The following APOB variants were observed in gnomAD, a reference collection of about 807,000 sequenced individuals.
The protein encoded by APOB is apolipoprotein B, also known as apolipoprotein B-100.
Under a neutral mutation model 314.1 loss-of-function variants are expected in APOB, and 153 were observed. That is an observed-to-expected ratio of 0.49 (90% CI 0.43 to 0.56). APOB has a LOEUF of 0.56. Ranked by LOEUF, APOB falls within the 20% of genes least tolerant of loss-of-function variation. The probability of loss-of-function intolerance (pLI) is 0.00; values close to 1 mark genes in which losing one functional copy is unlikely to be tolerated. For synonymous variants in APOB, 2,087 were observed against 2,036.4 expected (o/e 1.02, Z -0.67); for missense variants, 5,430 against 5,350.7 (o/e 1.01, Z -0.46).
intron 10 of APOB, 23 bp from the exon 11 acceptor site, chr2:21,030,038 C>G: frequency 6.7e-7 from 1 of 1,484,508 alleles, no homozygotes; most frequent in South Asian, 1.1e-5. Context: ...AGAAGAGAGT[C>G]AGGACTTGGT....
chr2:21,004,150 T>A, intron 28 of APOB, 119 bp downstream of exon 28: 2 of 1,046,902 alleles, frequency 1.9e-6, no homozygotes, highest in South Asian at 2.7e-5. Context: ...AAGAAGTTGC[T>A]TACCGCCTGT....
At chr2:21,024,089 G>T (rs142557833) in intron 16 of APOB, 2 of 159,008 alleles carry the variant, frequency 1.3e-5, no homozygotes, top group South Asian at 1.9e-4. Flanking sequence ...GAAACCAAAG[G>T]CCTATTGAGA....
chr2:21,003,418 A>T, intron 28 of APOB, 84 bp from the exon 29 acceptor site: 1 of 1,195,804 alleles, frequency 8.4e-7, no homozygotes, highest in East Asian at 2.3e-5. Context: ...ATTAGCAGTT[A>T]AAAATAAAGA....
rs555859340 is a variant in APOB at position 21,035,475 on chromosome 2, T to G, written c.818+109A>C. The G allele has an allele frequency of 8.2e-5, 118 of 1,441,910 alleles. 3 individuals carry two copies. In the South Asian group the frequency reaches 1.2e-3, roughly 15 times the overall value. 89.3% of individuals were successfully genotyped at this position (1,441,910 alleles called of 1,614,324 possible). Reference sequence around the variant, plus strand: ...AGGGAGGGGCGGCATTTTATCCCTCTCCATTCCTCCCTCCCAGGCACAGGT... The same window carrying G: ...AGGGAGGGGCGGCATTTTATCCCTCGCCATTCCTCCCTCCCAGGCACAGGT... On this transcript the variant is annotated intron_variant, in intron 7 of 28. Transcript: ENST00000233242.
intron 25 of APOB, 77 bp from the exon 26 acceptor site, chr2:21,012,728 A>C: frequency 6.6e-7 from 1 of 1,513,140 alleles, no homozygotes; most frequent in Non-Finnish European, 9.0e-7. Context: ...AAAGTCTTTC[A>C]ATAATAAAGC....
chr2:21,008,058 G>A lies in APOB; in HGVS notation c.8810C>T (p.Ser2937Leu). The change falls in exon 26 of 29, where the codon TCA becomes TTA. Residue 2937 changes from serine (S) to leucine (L), a missense_variant. Ser to Leu is a moderately radical substitution (Grantham distance 145). This residue lies in a region of APOB where 3,281 missense variants were observed against 3,171.0 expected (regional missense o/e 1.03). Transcript: ENST00000233242. The part of the protein sequence containing the change: ...GSWKWACPRF[S>L]DEGTHESQIS... ...TTGTGATTCATGTGTTCCCTCATCT[G>A]AGAATCTGGGGCAGGCCCATTTCCA... 6.2e-7 allele frequency: 1 copy of A among 1,614,108 alleles called. No homozygotes were observed. The highest frequency in any genetic ancestry group is 1.1e-5 in the South Asian group (1 of 91,074).
Position 21,028,499 on chromosome 2 carries a change from A to G in APOB, c.1657T>C (p.Ser553Pro). 1.9e-6 allele frequency: 3 copies of G among 1,613,736 alleles called. No homozygotes were observed. The highest frequency in any genetic ancestry group is 2.5e-6 in the Non-Finnish European group (3 of 1,180,000). ...GCAGCCAGTCGCTTATCTCCCGGAGAAGCATCATCAAGGAAAGTCTGAAGA... is the reference window on the plus strand; with the variant it reads ...GCAGCCAGTCGCTTATCTCCCGGAGGAGCATCATCAAGGAAAGTCTGAAGA... Reference protein sequence around the residue: ...VLLQTFLDDASPGDKRLAAYL... With the variant: ...VLLQTFLDDAPPGDKRLAAYL... Residue 553 changes from serine (S) to proline (P), a missense_variant, in exon 13 of 29, where the codon TCT becomes CCT. By Grantham distance (74) the Ser-to-Pro change is moderately conservative. Around this residue, in one of 3 missense-constraint regions of APOB, gnomAD observed 2,085 missense variants for 2,079.7 expected, o/e 1.00. Transcript: ENST00000233242.
chr2:21,027,973 T>C lies in APOB; in HGVS notation c.1922A>G (p.Lys641Arg), dbSNP rs773339611. Residue 641 changes from lysine (K) to arginine (R), a missense_variant, in exon 14 of 29, where the codon AAA (lysine) becomes AGA (arginine). Around this residue, in one of 3 missense-constraint regions of APOB, gnomAD observed 2,085 missense variants for 2,079.7 expected, o/e 1.00. Transcript: ENST00000233242. Reference protein sequence around the residue: ...RKFSRNYQLYKSVSLPSLDPA... With the variant: ...RKFSRNYQLYRSVSLPSLDPA... Reference sequence around the variant, plus strand: ...GTCAAGTGATGGAAGAGAAACAGATTTGTAGAGTTGATAGTTCCGAGAGAA... The same window carrying C: ...GTCAAGTGATGGAAGAGAAACAGATCTGTAGAGTTGATAGTTCCGAGAGAA... 3.9e-5 allele frequency: 63 copies of C among 1,613,952 alleles called. No individual in the cohort carries two copies. Among genetic ancestry groups the C allele is most frequent in the Middle Eastern group, 1.6e-4 (1 of 6,082 alleles).
intron 6 of APOB, among the ~76,000 whole-genome samples, chr2:21,036,829 G>T (rs1664013824): frequency 6.6e-6 from 1 of 152,166 alleles, no homozygotes; most frequent in East Asian, 1.9e-4. Context: ...TGAGATTAGA[G>T]GCAGTTTGGT....
At position 21,010,662 on chromosome 2, in the gene APOB, A is replaced by G; in HGVS notation, c.6206T>C (p.Ile2069Thr). The G allele has an allele frequency of 2.5e-6, 4 of 1,614,112 alleles. No individual in the cohort carries two copies. Among genetic ancestry groups the G allele is most frequent in the Non-Finnish European group, 3.4e-6 (4 of 1,180,000 alleles). ...CAAGGTCTCAAAAAATGGGAGGTTAATGGAGTGAACATCTTGGTTTTTATC... is the reference window on the plus strand; with the variant it reads ...CAAGGTCTCAAAAAATGGGAGGTTAGTGGAGTGAACATCTTGGTTTTTATC... Reference protein sequence around the residue: ...KYDKNQDVHSINLPFFETLQE... With the variant: ...KYDKNQDVHSTNLPFFETLQE... Residue 2069 changes from isoleucine (I) to threonine (T), a missense_variant, in exon 26 of 29, where the codon ATT becomes ACT. This residue lies in a region of APOB where 3,281 missense variants were observed against 3,171.0 expected (regional missense o/e 1.03). Coordinates refer to ENST00000233242, the MANE Select transcript of APOB (RefSeq NM_000384.3).
At position 21,006,740 on chromosome 2, in the gene APOB, T is replaced by C. The variant is rs886055579; in HGVS notation, c.10128A>G (p.Ala3376=). ...LLSSSSSVID[A]LQYKLEGTTR... The stretch of plus-strand genomic sequence containing the variant: ...TGGTGCCCTCTAATTTGTACTGCAG[T>C]GCATCAATGACAGATGAAGATGAAG... Residue 3376 remains alanine, a synonymous_variant, in exon 26 of 29, where the codon GCA becomes GCG. Coordinates refer to ENST00000233242, the MANE Select transcript of APOB (RefSeq NM_000384.3). 3.1e-6 allele frequency: 5 copies of C among 1,613,902 alleles called. No individual in the cohort carries two copies. In the African/African-American group the frequency reaches 6.7e-5, roughly 22 times the overall value.
At position 21,035,768 on chromosome 2, in the gene APOB, T is replaced by C. The variant is rs2103382812; in HGVS notation, c.694-60A>G. 3.2e-6 allele frequency: 5 copies of C among 1,578,394 alleles called. No individual in the cohort carries two copies. In the South Asian group the frequency reaches 5.6e-5, roughly 18 times the overall value. ...GTCCCTGTATCTTCTGTTAAAAGCATTTACCTTCAAGGTAGAAGGGAGCAG... is the reference window on the plus strand; with the variant it reads ...GTCCCTGTATCTTCTGTTAAAAGCACTTACCTTCAAGGTAGAAGGGAGCAG... On this transcript the variant is annotated intron_variant, in intron 6 of 28. Transcript: ENST00000233242.
rs768174760 is a variant in APOB, at chr2:21,012,198, T to C, written c.4670A>G (p.Asn1557Ser). The change falls in exon 26 of 29, where the codon AAT becomes AGT. Residue 1557 changes from asparagine (N) to serine (S), a missense_variant. By Grantham distance (46) the Asn-to-Ser change is conservative. This residue lies in a region of APOB where 2,085 missense variants were observed against 2,079.7 expected (regional missense o/e 1.00). Transcript: ENST00000233242. ...TSDLQSGIIK[N>S]TASLKYENYE... ...GTTCTCATACTTTAGGGAAGCAGTA[T>C]TTTTAATGATGCCACTTTGCAGATC... 6.2e-7 allele frequency: 1 copy of C among 1,603,094 alleles called. No homozygotes were observed. The highest frequency in any genetic ancestry group is 8.5e-7 in the Non-Finnish European group (1 of 1,173,614).
chr2:21,020,873 G>T (rs970599826), intron 18 of APOB, among the ~76,000 whole-genome samples: 2 of 152,148 alleles, frequency 1.3e-5, no homozygotes, highest in African/African-American at 4.8e-5. Flanking sequence ...TATGGCTTTG[G>T]TTCTCCTTCT....
rs141114848 is a variant in APOB, at chr2:21,004,380, T to C, written c.11976A>G (p.Lys3992=). 1 of 1,613,906 alleles carries C rather than the reference T, an allele frequency of 6.2e-7. No individual in the cohort carries two copies. Among genetic ancestry groups the C allele is most frequent in the Non-Finnish European group, 8.5e-7 (1 of 1,179,950 alleles). The part of the protein sequence containing the change: ...AFTDLHLRYQ[K]DKKGISTSAA... ...CTGAGGTGGAGATGCCTTTCTTGTCTTTCTGGTAGCGCAGATGGAGATCGG... is the reference window on the plus strand; with the variant it reads ...CTGAGGTGGAGATGCCTTTCTTGTCCTTCTGGTAGCGCAGATGGAGATCGG... Residue 3992 remains lysine (K), a synonymous_variant, in exon 28 of 29, where the codon AAA becomes AAG. Coordinates refer to ENST00000233242, the MANE Select transcript of APOB (RefSeq NM_000384.3).
rs191145848 is a variant in APOB at position 21,012,073 on chromosome 2, G to A, written c.4795C>T (p.Arg1599Cys). Residue 1599 changes from arginine to cysteine, a missense_variant, in exon 26 of 29, where the codon CGT (arginine) becomes TGT (cysteine). By Grantham distance (180) the Arg-to-Cys change is radical. Coordinates refer to ENST00000233242, the MANE Select transcript of APOB (RefSeq NM_000384.3). ...MTFSKQNALL[R>C]SEYQADYESL... ...TCGTAATCAGCCTGATATTCAGAAC[G>A]CAGCAGTGCATTTTGCTTAGAGAAG... 16 of 1,614,162 alleles carry A rather than the reference G, an allele frequency of 9.9e-6. No homozygotes were observed. Among genetic ancestry groups the A allele is most frequent in the Admixed American group, 8.3e-5 (5 of 60,012 alleles).
rs754081107 is a variant in APOB at position 21,029,969 on chromosome 2, C to T, written c.1399G>A (p.Ala467Thr). Residue 467 changes from alanine (A) to threonine (T), a missense_variant, in exon 11 of 29, where the codon GCT becomes ACT. Ala to Thr is a moderately conservative substitution (Grantham distance 58). Coordinates refer to ENST00000233242, the MANE Select transcript of APOB (RefSeq NM_000384.3). ...TGAATCTGTTCCATCAGGTAATTAG[C>T]AATGTCCAGCAGCTCCTGGGTCCCT... ...PTGTQELLDIANYLMEQIQDD... is the reference protein window; with the variant it reads ...PTGTQELLDITNYLMEQIQDD... The T allele has an allele frequency of 1.2e-6, 2 of 1,613,924 alleles. No individual in the cohort carries two copies. Among genetic ancestry groups the T allele is most frequent in the African/African-American group, 1.3e-5 (1 of 74,920 alleles).
chr2:21,013,627 C>A (rs1170371300), intron 24 of APOB, 94 bp from the exon 25 acceptor site: 2 of 1,564,692 alleles, frequency 1.3e-6, no homozygotes, highest in East Asian at 2.2e-5. Context: ...TGTACTTGCC[C>A]CATTCCCAAA....
chr2:21,043,795 C>A, intron 1 of APOB, 69 bp downstream of exon 1: 1 of 1,523,806 alleles, frequency 6.6e-7, no homozygotes, highest in East Asian at 2.4e-5. Context: ...GCCCAGGCTG[C>A]CCCGGCCAAC....
Sources: gnomAD v4.1 joint callset for allele counts (sites outside exome capture counted in the v4.1 genomes callset) on GRCh38, gnomAD v4.1.1 for gene constraint, gnomAD v4.1.1 regional missense constraint, MANE v1.5 for transcripts, NCBI Gene and HGNC (gene_info 2026-07-23, HGNC 2026-07-21) for gene names.